The following NUP133 variants were observed in gnomAD, a reference collection of about 807,000 sequenced individuals.
NUP133 encodes nuclear pore complex protein Nup133.
In NUP133, 66 loss-of-function variants were observed where a neutral mutation model predicts 146.2. The observed-to-expected ratio is 0.45, with a 90% CI of 0.37 to 0.55. NUP133 has a LOEUF of 0.55. NUP133 is among the 20% of genes least tolerant of loss of function. The probability of loss-of-function intolerance (pLI) is 0.00; values close to 1 mark genes in which losing one functional copy is unlikely to be tolerated. For synonymous variants in NUP133, 521 were observed against 498.8 expected (o/e 1.04, Z -0.59); for missense variants, 1,277 against 1,374.8 (o/e 0.93, Z 1.12).
chr1:229,490,739 C>G (rs6701186), intron 8 of NUP133, among the ~76,000 whole-genome samples: 28,994 of 151,920 alleles, frequency 0.19, 2,966 homozygotes, highest in Middle Eastern at 0.25. Context: ...AAGGTGGGCA[C>G]ATAACCTCAG....
chr1:229,450,669 T>C (rs145053715), intron 22 of NUP133, 64 bp from the exon 23 acceptor site: 5 of 777,534 alleles, frequency 6.4e-6, no homozygotes, highest in East Asian at 2.8e-5. Context: ...GAGACATTTA[T>C]GGAGAAAAGA....
chr1:229,453,243 C>T (rs1660495695), intron 21 of NUP133, among the ~76,000 whole-genome samples: 1 of 152,142 alleles, frequency 6.6e-6, no homozygotes, highest in Non-Finnish European at 1.5e-5. Flanking sequence ...CTGCTGCCAG[C>T]TTCACAAATT....
rs1214417356 is a variant in NUP133, at chr1:229,460,549, A to C, written c.2844+62T>G. ...AACAGTATTTTAATTACTAAAAACAAAACTAATTAAAACTACCTAAATAAA... is the reference window on the plus strand; with the variant it reads ...AACAGTATTTTAATTACTAAAAACACAACTAATTAAAACTACCTAAATAAA... On this transcript the variant is annotated intron_variant, in intron 20 of 25. Coordinates refer to ENST00000261396, the MANE Select transcript of NUP133 (RefSeq NM_018230.3). 9.9e-6 allele frequency: 15 copies of C among 1,508,906 alleles called. No homozygotes were observed. The East Asian group carries it at 2.7e-4, about 27-fold the overall frequency. 93.5% of individuals were successfully genotyped at this position (1,508,906 alleles called of 1,614,324 possible).
chr1:229,477,950 T>A (rs903803666), intron 12 of NUP133, among the ~76,000 whole-genome samples, 190 bp from the exon 13 acceptor site: 3 of 152,164 alleles, frequency 2.0e-5, no homozygotes, highest in Non-Finnish European at 4.4e-5. Flanking sequence ...TGTAACAAAC[T>A]TTACATGTTC....
rs1171276535 is a variant in NUP133 at position 229,441,351 on chromosome 1, A to G, written c.*553T>C. The G allele has an allele frequency of 1.1e-4, 58 of 516,142 alleles. No individual in the cohort carries two copies. Among genetic ancestry groups the G allele is most frequent in the Non-Finnish European group, 1.6e-5 (4 of 251,850 alleles). 32.0% of individuals were successfully genotyped at this position (516,142 alleles called of 1,614,324 possible). A position where few individuals can be genotyped will look rare whatever the true frequency, so the allele number is the denominator to read the frequency against. ...TGTAGAAAAGTTTAAAATGCTCCCA[A>G]TGAGTTCATCAGTTATCAAGCTCAC... On this transcript the variant is annotated 3_prime_UTR_variant, in exon 26 of 26. Coordinates refer to ENST00000261396, the MANE Select transcript of NUP133 (RefSeq NM_018230.3).
chr1:229,480,251 T>G (rs974137549), intron 12 of NUP133, among the ~76,000 whole-genome samples: 4 of 151,958 alleles, frequency 2.6e-5, no homozygotes, highest in African/African-American at 4.8e-5. Context: ...CTGAGGGAAG[T>G]GGGAGGAGAC....
chr1:229,498,020 G>T, intron 6 of NUP133, 116 bp downstream of exon 6: 1 of 638,738 alleles, frequency 1.6e-6, no homozygotes, highest in Non-Finnish European at 2.4e-6. Flanking sequence ...AAGACCAAAG[G>T]TTTTATTTCG....
chr1:229,463,208 G>A (rs144267772), intron 19 of NUP133, among the ~76,000 whole-genome samples: 2,539 of 152,192 alleles, frequency 0.017, 104 homozygotes, highest in Admixed American at 0.078. Flanking sequence ...GGACAACATA[G>A]CGAGACTTTG....
At chr1:229,479,214 A>C (rs79960826) in intron 12 of NUP133, among the ~76,000 whole-genome samples, 3,758 of 152,302 alleles carry the variant, frequency 0.025, 131 homozygotes, top group Admixed American at 0.09. Flanking sequence ...GGCTCTGTGG[A>C]GCTCCAGCAT....
In NUP133 at chr1:229,465,421, C is replaced by T. The variant is rs751458377; in HGVS notation, c.2298G>A (p.Thr766=). ...ACTGTTAATAAATCAGTATATTACC[C>T]GTCCATGGAACATATTCAGGTTCTT... The part of the protein sequence containing the change: ...LEKEPEYVPW[T]ATSGPGGIRT... Residue 766 remains threonine, a splice_region_variant and synonymous_variant, in exon 17 of 26, where the codon ACG becomes ACA. Transcript: ENST00000261396. 29 of 1,590,204 alleles carry T rather than the reference C, an allele frequency of 1.8e-5. No individual in the cohort carries two copies. In the South Asian group the frequency reaches 2.8e-4, roughly 15 times the overall value.
At chr1:229,477,533 T>G in intron 13 of NUP133, 64 bp downstream of exon 13, 1 of 1,301,106 alleles carries the variant, frequency 7.7e-7, no homozygotes, top group Non-Finnish European at 1.0e-6. Flanking sequence ...CTTTAAGAGA[T>G]GCTTCTAATA....
intron 7 of NUP133, 151 bp from the exon 8 acceptor site, chr1:229,495,716 C>A: frequency 1.1e-6 from 1 of 874,942 alleles, no homozygotes; most frequent in Admixed American, 3.0e-5. Flanking sequence ...GCAAGTAAAC[C>A]AATGCATTCC....
At chr1:229,502,168 CAAA>C in intron 2 of NUP133, 66 bp from the exon 3 acceptor site, 2 of 1,192,546 alleles carry the variant, frequency 1.7e-6, no homozygotes, top group Non-Finnish European at 2.4e-6. Context: ...CACGCTTTAT[CAAA>C]AAAAAGTAAT....
At chr1:229,470,884 G>A in intron 14 of NUP133, 80 bp from the exon 15 acceptor site, 3 of 1,257,384 alleles carry the variant, frequency 2.4e-6, no homozygotes, top group Non-Finnish European at 3.4e-6. Context: ...TTCCCCAGAA[G>A]CACCCTGGGC....
intron 9 of NUP133, among the ~76,000 whole-genome samples, chr1:229,489,671 GACCA>G (rs1661459240): frequency 6.6e-6 from 1 of 152,252 alleles, no homozygotes; most frequent in East Asian, 1.9e-4. Flanking sequence ...AGGAGTTTGA[GACCA>G]GCCTGGCCAA....
At chr1:229,490,857 CAGA>C (rs773759726) in intron 8 of NUP133, among the ~76,000 whole-genome samples, 10 of 151,316 alleles carry the variant, frequency 6.6e-5, no homozygotes, top group African/African-American at 2.4e-4. Context: ...GAGGCTGAGG[CAGA>C]AGAACTCTTG....
At chr1:229,494,754 T>C (rs184496863) in intron 8 of NUP133, among the ~76,000 whole-genome samples, 1 of 152,144 alleles carries the variant, frequency 6.6e-6, no homozygotes, top group Non-Finnish European at 1.5e-5. Context: ...CCTTATCCCA[T>C]CCTTAACTCA....
At chr1:229,477,485 G>T in intron 13 of NUP133, 112 bp downstream of exon 13, 422 of 559,334 alleles carry the variant, frequency 7.5e-4, no homozygotes, top group Non-Finnish European at 1.0e-3. Context: ...AAAAAATATT[G>T]AATTAATATT....
rs747168713 is a variant in NUP133 at position 229,464,830 on chromosome 1, T to C, written c.2345A>G (p.His782Arg). 1.2e-5 allele frequency: 20 copies of C among 1,614,238 alleles called. No homozygotes were observed. Among genetic ancestry groups the C allele is most frequent in the Non-Finnish European group, 1.7e-5 (20 of 1,180,042 alleles). Residue 782 changes from histidine to arginine, a missense_variant, in exon 18 of 26, where the codon CAT (histidine) becomes CGT (arginine). Coordinates refer to ENST00000261396, the MANE Select transcript of NUP133 (RefSeq NM_018230.3). ...ATAAGCCACCTTCAGGACAATCTCA[T>C]GCTGGCGTATTATTACCGTTCGGAT... Reference protein sequence around the residue: ...GGIRTVIIRQHEIVLKVAYPQ... With the variant: ...GGIRTVIIRQREIVLKVAYPQ...
Sources: gnomAD v4.1 joint callset for allele counts (sites outside exome capture counted in the v4.1 genomes callset) on GRCh38, gnomAD v4.1.1 for gene constraint, MANE v1.5 for transcripts, NCBI Gene and HGNC (gene_info 2026-07-23, HGNC 2026-07-21) for gene names.